OLFM1: variants seen among roughly 807,000 people sequenced by gnomAD.
The protein encoded by OLFM1 is noelin.
A neutral mutation model predicts 49.7 loss-of-function variants in OLFM1; 9 were observed. The ratio of observed to expected loss-of-function variants is 0.18; its 90% CI spans 0.11 to 0.32. The LOEUF (loss-of-function observed/expected upper bound fraction) is 0.32, where lower values mean the gene tolerates loss of function less well. Ranked by LOEUF, OLFM1 falls within the 10% of genes least tolerant of loss-of-function variation. The probability of loss-of-function intolerance (pLI) is 1.00; values close to 1 mark genes in which losing one functional copy is unlikely to be tolerated. For missense variants in OLFM1, 369 were observed against 661.8 expected, an observed-to-expected ratio of 0.56 and a Z score of 4.85; for synonymous variants, 240 against 271.8, an observed-to-expected ratio of 0.88 and a Z score of 1.15.
chr9:135,111,414 G>T (rs892666373), intron 5 of OLFM1, among the ~76,000 whole-genome samples: 1 of 152,150 alleles, frequency 6.6e-6, no homozygotes, highest in Non-Finnish European at 1.5e-5. Context: ...GGACTGTAGC[G>T]CATGGCCCAT....
At chr9:135,083,817 G>A (rs543428951), upstream of OLFM1, among the ~76,000 whole-genome samples, 1 of 152,338 alleles carries the variant, frequency 6.6e-6, no homozygotes, top group Non-Finnish European at 1.5e-5. Context: ...CAGAGAGACA[G>A]GGTGTGACTG....
At chr9:135,106,078 G>C (rs1830938686) in intron 4 of OLFM1, 1 of 152,418 alleles carries the variant, frequency 6.6e-6, no homozygotes, top group South Asian at 2.1e-4. Context: ...GAGGGCTGCT[G>C]AGATCACATC....
rs1830994743 is a variant in OLFM1, at chr9:135,109,647, G to T, written c.783+2792G>T. Among the ~76,000 whole-genome samples the T allele has an allele frequency of 2.0e-5, 3 of 152,158 alleles. No homozygotes were observed. The South Asian group carries it at 6.2e-4, about 32-fold the overall frequency. On this transcript the variant is annotated intron_variant, in intron 5 of 5. Transcript: ENST00000371793. ...CATTGATCTAGGCCAGCCGTGGTTT[G>T]TTTGTTTTGATCTTTTCCAATCTCC...
At position 135,106,746 on chromosome 9, in the gene OLFM1, C is replaced by T. The variant is rs1326935151; in HGVS notation, c.677-3C>T. On this transcript the variant is annotated splice_polypyrimidine_tract_variant and splice_region_variant and intron_variant, in intron 4 of 5. Transcript: ENST00000371793. Reference sequence around the variant, plus strand: ...CTCTCCTGACCTGCGTGCTCTTTTCCAGCTTGCGGGAAGTTGACGGGCATC... The same window carrying T: ...CTCTCCTGACCTGCGTGCTCTTTTCTAGCTTGCGGGAAGTTGACGGGCATC... The T allele has an allele frequency of 7.4e-6, 12 of 1,613,034 alleles. No homozygotes were observed. Among genetic ancestry groups the T allele is most frequent in the Non-Finnish European group, 1.0e-5 (12 of 1,179,650 alleles).
upstream of OLFM1, among the ~76,000 whole-genome samples, chr9:135,084,250 G>C (rs1335771824): frequency 6.6e-6 from 1 of 152,176 alleles, no homozygotes; most frequent in African/African-American, 2.4e-5. This position sits in a 1 kb window ranked among gnomAD's most constrained non-coding sequence, Gnocchi z 4.6. Flanking sequence ...AAAAGGAGAG[G>C]TGGCTCCATG....
Position 135,098,430 on chromosome 9 carries a change from G to A in OLFM1, c.601G>A (p.Ala201Thr), listed in dbSNP as rs574025248. 3.1e-6 allele frequency: 5 copies of A among 1,613,874 alleles called. No homozygotes were observed. Among genetic ancestry groups the A allele is most frequent in the Admixed American group, 1.7e-5 (1 of 60,022 alleles). ...VLNELQEEIG[A>T]YDYDELQSRV... Reference sequence around the variant, plus strand: ...TAACGAGCTGCAAGAGGAAATTGGCGCCTATGACTACGATGAACTTCAGAG... The same window carrying A: ...TAACGAGCTGCAAGAGGAAATTGGCACCTATGACTACGATGAACTTCAGAG... Residue 201 changes from alanine (A) to threonine (T), a missense_variant, in exon 4 of 6, where the codon GCC (alanine) becomes ACC (threonine). Physicochemically the swap from Ala to Thr is moderately conservative, Grantham distance 58 (BLOSUM62 0). Transcript: ENST00000371793. This position sits in a 1 kb window ranked among gnomAD's most constrained non-coding sequence, Gnocchi z 5.6.
At chr9:135,089,669 G>A (rs1830653217) in intron 1 of OLFM1, among the ~76,000 whole-genome samples, 1 of 152,196 alleles carries the variant, frequency 6.6e-6, no homozygotes, top group Admixed American at 6.5e-5. Context: ...AGCTCTGGGC[G>A]AATAGGCTGC....
At chr9:135,110,869 G>A (rs114879794) in intron 5 of OLFM1, among the ~76,000 whole-genome samples, 2,318 of 152,338 alleles carry the variant, frequency 0.015, 24 homozygotes, top group Middle Eastern at 0.031. Flanking sequence ...ACAGATGCTT[G>A]CCAAACCAAA....
chr9:135,086,016 G>C (rs982415621), upstream of OLFM1, among the ~76,000 whole-genome samples: 1 of 152,258 alleles, frequency 6.6e-6, no homozygotes, highest in Non-Finnish European at 1.5e-5. Flanking sequence ...TTGTGGATTG[G>C]ATTGGGTTGC....
chr9:135,087,351 G>A (rs773322431), upstream of OLFM1: 10 of 1,544,564 alleles, frequency 6.5e-6, no homozygotes, highest in Non-Finnish European at 8.7e-6. Flanking sequence ...GCGGGGATCG[G>A]AGAGGGATGC....
rs1830616988 is a variant in OLFM1 at position 135,087,678 on chromosome 9, G to C, written c.-312G>C. 2 of 448,774 alleles carry C rather than the reference G, an allele frequency of 4.5e-6. No homozygotes were observed. The highest frequency in any genetic ancestry group is 3.2e-6 in the Non-Finnish European group (1 of 307,748). The allele number at this position is 448,774 out of a possible 1,614,324, so 27.8% of individuals were successfully genotyped here. ...GCCCGCGCAGCGCTCAGAGCCGGAC[G>C]GCGCTTCCCGGTGGCGGCGGAGGAG... On this transcript the variant is annotated 5_prime_UTR_variant, in exon 1 of 6. Coordinates refer to ENST00000371793, the MANE Select transcript of OLFM1 (RefSeq NM_001282611.2).
intron 1 of OLFM1, chr9:135,077,389 T>C (rs1181513715): frequency 1.1e-6 from 1 of 887,268 alleles, no homozygotes; most frequent in Non-Finnish European, 1.5e-6. Context: ...TTTTCCTCCC[T>C]AAGTTCTCCT....
At chr9:135,085,129 A>G (rs145938285), upstream of OLFM1, among the ~76,000 whole-genome samples, 432 of 152,308 alleles carry the variant, frequency 2.8e-3, 3 homozygotes, top group African/African-American at 1.0e-2. Flanking sequence ...GGGGGCTGGC[A>G]TGAGGATAGA....
Position 135,090,699 on chromosome 9 carries a change from C to T in OLFM1, c.300+355C>T, listed in dbSNP as rs540578989. On this transcript the variant is annotated intron_variant, in intron 2 of 5. Transcript: ENST00000371793. The stretch of plus-strand genomic sequence containing the variant: ...GCATGGTGAGACGGGACACAAGGCT[C>T]GTCTCTGAGTGATGTCATAATCTGT... Among the ~76,000 whole-genome samples the T allele has an allele frequency of 8.1e-4, 123 of 152,164 alleles. No individual in the cohort carries two copies. The South Asian group carries it at 9.4e-3, about 12-fold the overall frequency.
chr9:135,114,416 A>G (rs1831068381), intron 5 of OLFM1, among the ~76,000 whole-genome samples: 1 of 152,042 alleles, frequency 6.6e-6, no homozygotes, highest in African/African-American at 2.4e-5. Flanking sequence ...TGCCCAGCCG[A>G]GATTCTTAAT....
At chr9:135,092,705 G>C (rs1830732956) in intron 2 of OLFM1, among the ~76,000 whole-genome samples, 1 of 152,154 alleles carries the variant, frequency 6.6e-6, no homozygotes, top group Non-Finnish European at 1.5e-5. Flanking sequence ...ATGAGCCCCT[G>C]GGACTGCAGG....
intron 4 of OLFM1, among the ~76,000 whole-genome samples, chr9:135,102,706 C>G (rs1471346348): frequency 6.6e-6 from 1 of 152,178 alleles, no homozygotes; most frequent in African/African-American, 2.4e-5. Context: ...TGTCCAAGTT[C>G]CCAGCTTTGC....
intron 2 of OLFM1, among the ~76,000 whole-genome samples, chr9:135,092,011 G>A (rs1243942047): frequency 6.6e-6 from 1 of 152,224 alleles, no homozygotes; most frequent in Non-Finnish European, 1.5e-5. Flanking sequence ...CAGGAGTATG[G>A]CAGGAGGCCT....
At chr9:135,108,025 G>A (rs1032194022) in intron 5 of OLFM1, among the ~76,000 whole-genome samples, 3 of 152,194 alleles carry the variant, frequency 2.0e-5, no homozygotes, top group African/African-American at 7.2e-5. Flanking sequence ...CCTGTTGCAT[G>A]TGTCTTGATC....
Sources: gnomAD v4.1 joint callset for allele counts (sites outside exome capture counted in the v4.1 genomes callset) on GRCh38, gnomAD v4.1.1 for gene constraint, Gnocchi (gnomAD v3.1) non-coding constraint, MANE v1.5 for transcripts, NCBI Gene and HGNC (gene_info 2026-07-23, HGNC 2026-07-21) for gene names.